MED13L: variants seen among roughly 807,000 people sequenced by gnomAD.
The protein encoded by MED13L is mediator of RNA polymerase II transcription subunit 13-like.
MED13L carries 7 observed loss-of-function variants against 220.9 expected under a neutral mutation model. That is an observed-to-expected ratio of 0.03 (90% CI 0.02 to 0.06). MED13L has a LOEUF of 0.06. Ranked by LOEUF, MED13L falls within the 10% of genes least tolerant of loss-of-function variation. The pLI is 1.00. For missense variants in MED13L, 1,965 were observed against 2,760.5 expected, an observed-to-expected ratio of 0.71 and a Z score of 6.46; for synonymous variants, 1,011 against 1,015.2, an observed-to-expected ratio of 1.00 and a Z score of 0.08.
intron 2 of MED13L, among the ~76,000 whole-genome samples, chr12:116,133,464 G>A (rs1427784975): frequency 6.6e-6 from 1 of 152,124 alleles, no homozygotes; most frequent in Non-Finnish European, 1.5e-5. Context: ...TGTAACTCTT[G>A]GTTCTGCTCA....
intron 4 of MED13L, among the ~76,000 whole-genome samples, chr12:116,044,331 C>T (rs909655128): frequency 1.3e-5 from 2 of 152,192 alleles, no homozygotes; most frequent in Admixed American, 6.5e-5. Flanking sequence ...TGTATCTTGG[C>T]ATAACCCGAA....
rs547280237 is a variant in MED13L, at chr12:116,156,965, G to A, written c.311-45453C>T. On this transcript the variant is annotated intron_variant, in intron 2 of 30. Coordinates refer to ENST00000281928, the MANE Select transcript of MED13L (RefSeq NM_015335.5). ...TTCTTGACACCATGATAAAACTACC[G>A]TAATAGTCCTAGGCTTTTGCTCTCA... Among the ~76,000 whole-genome samples the A allele has an allele frequency of 2.0e-3, 303 of 152,220 alleles. 3 individuals are homozygous for A. The highest frequency in any genetic ancestry group is 0.01 in the Middle Eastern group (3 of 294).
intron 10 of MED13L, chr12:116,008,065 A>G: frequency 2.9e-6 from 1 of 347,634 alleles, no homozygotes; most frequent in Non-Finnish European, 5.2e-6. Context: ...TTCCTCAAAA[A>G]TGTCAACATA....
chr12:116,229,436 A>G (rs1279061979), intron 2 of MED13L, among the ~76,000 whole-genome samples: 1 of 152,182 alleles, frequency 6.6e-6, no homozygotes, highest in Non-Finnish European at 1.5e-5. Context: ...GAAAATTATA[A>G]CTTTTTTTTA....
chr12:116,122,544 G>GTAACCTT (rs1875192822), intron 2 of MED13L, among the ~76,000 whole-genome samples: 1 of 152,176 alleles, frequency 6.6e-6, no homozygotes, highest in Non-Finnish European at 1.5e-5. Flanking sequence ...GAAATGGATT[G>GTAACCTT]TAACCTTCCC....
rs1402160195 is a variant in MED13L at position 116,007,549 on chromosome 12, A to G, written c.2100T>C (p.Pro700=). 1 of 1,610,904 alleles carries G rather than the reference A, an allele frequency of 6.2e-7. No individual in the cohort carries two copies. Among genetic ancestry groups the G allele is most frequent in the Non-Finnish European group, 8.5e-7 (1 of 1,179,088 alleles). ...AACTGTCTCCAGGTTGTTGTGATAG[A>G]GGCAATGGGTCAAGGAAGTGGAGTG... ...LQPLHFLDPL[P]LSQQPGDSLG... Residue 700 remains proline, a synonymous_variant, in exon 11 of 31, where the codon CCT becomes CCC. Coordinates refer to ENST00000281928, the MANE Select transcript of MED13L (RefSeq NM_015335.5).
At chr12:116,219,120 T>C (rs1014980268) in intron 2 of MED13L, among the ~76,000 whole-genome samples, 3 of 152,188 alleles carry the variant, frequency 2.0e-5, no homozygotes, top group Non-Finnish European at 4.4e-5. Flanking sequence ...GTTCAAAAAA[T>C]TTTGGAAGCT....
At chr12:116,068,607 T>C (rs1311616415) in intron 4 of MED13L, among the ~76,000 whole-genome samples, 3 of 152,208 alleles carry the variant, frequency 2.0e-5, no homozygotes, top group Non-Finnish European at 4.4e-5. Flanking sequence ...CTCTGTTTAT[T>C]GCCCTAGGAT....
chr12:115,982,102 C>T (rs2137269617), intron 22 of MED13L: 2 of 372,476 alleles, frequency 5.4e-6, no homozygotes, highest in South Asian at 6.2e-5. Context: ...ACAACATGAC[C>T]AAAAATATTG....
chr12:115,976,647 G>C (rs957229351), intron 23 of MED13L, among the ~76,000 whole-genome samples: 2 of 152,120 alleles, frequency 1.3e-5, no homozygotes, highest in Non-Finnish European at 2.9e-5. Context: ...ATGTGTGTCT[G>C]TGTATATAAT....
intron 2 of MED13L, among the ~76,000 whole-genome samples, chr12:116,160,276 G>A (rs1487914136): frequency 6.6e-6 from 1 of 152,126 alleles, no homozygotes; most frequent in Non-Finnish European, 1.5e-5. Flanking sequence ...TAATTCTTGA[G>A]CAATAAGGTC....
intron 2 of MED13L, among the ~76,000 whole-genome samples, chr12:116,166,008 C>A (rs555973288): frequency 1.3e-5 from 2 of 152,302 alleles, no homozygotes; most frequent in South Asian, 2.1e-4. Flanking sequence ...TCATTCCTCT[C>A]TTCATCTACT....
chr12:116,153,050 C>T (rs1032983350), intron 2 of MED13L, among the ~76,000 whole-genome samples: 7 of 152,062 alleles, frequency 4.6e-5, no homozygotes, highest in African/African-American at 1.7e-4. Context: ...TAAACCTCTC[C>T]GAGCCTTGTT....
At chr12:116,033,764 A>G (rs79334560) in intron 4 of MED13L, among the ~76,000 whole-genome samples, 6 of 145,448 alleles carry the variant, frequency 4.1e-5, no homozygotes, top group African/African-American at 7.4e-5. Flanking sequence ...GTGTGTGTGT[A>G]TGTGTGTACA....
At chr12:116,144,974 C>G (rs189419388) in intron 2 of MED13L, among the ~76,000 whole-genome samples, 1 of 152,178 alleles carries the variant, frequency 6.6e-6, no homozygotes, top group African/African-American at 2.4e-5. Context: ...AAGGTAATTA[C>G]GTGTATCTGT....
chr12:115,964,807 C>G (rs1440325755), intron 29 of MED13L, among the ~76,000 whole-genome samples: 1 of 152,172 alleles, frequency 6.6e-6, no homozygotes, highest in Non-Finnish European at 1.5e-5. Flanking sequence ...ATATTTCCTG[C>G]TGCATATCTG....
chr12:116,250,216 T>C (rs1475654169), intron 1 of MED13L, among the ~76,000 whole-genome samples: 5 of 151,782 alleles, frequency 3.3e-5, no homozygotes, highest in African/African-American at 9.7e-5. Context: ...TGGAAAAATA[T>C]GCTCAAAGAA....
At chr12:116,161,398 C>T (rs1439868150) in intron 2 of MED13L, among the ~76,000 whole-genome samples, 1 of 152,066 alleles carries the variant, frequency 6.6e-6, no homozygotes, top group Non-Finnish European at 1.5e-5. Flanking sequence ...ACTTCCCAAC[C>T]ACCTTCCAGT....
intron 1 of MED13L, among the ~76,000 whole-genome samples, chr12:116,261,510 A>T (rs1195114356): frequency 6.6e-6 from 1 of 151,974 alleles, no homozygotes; most frequent in East Asian, 1.9e-4. Context: ...AAAAAAAAAA[A>T]ACTCTGGAAA....
Sources: gnomAD v4.1 joint callset for allele counts (sites outside exome capture counted in the v4.1 genomes callset) on GRCh38, gnomAD v4.1.1 for gene constraint, MANE v1.5 for transcripts, NCBI Gene and HGNC (gene_info 2026-07-23, HGNC 2026-07-21) for gene names.